Variants in HMCN1 observed in about 807,000 individuals in gnomAD.
HMCN1 encodes the protein hemicentin-1.
Under a neutral mutation model 625.9 loss-of-function variants are expected in HMCN1, and 321 were observed. The ratio of observed to expected loss-of-function variants is 0.51; its 90% CI spans 0.47 to 0.56. The LOEUF is 0.56. Among genes scored for constraint, HMCN1 ranks in the 20% least tolerant of loss-of-function variants. The pLI is 0.00. For synonymous variants in HMCN1, 2,425 were observed against 2,417.6 expected (o/e 1.00, Z -0.09); for missense variants, 6,588 against 6,887.3 (o/e 0.96, Z 1.54).
At chr1:185,735,557 AAG>A (rs1386679264) in intron 1 of HMCN1, among the ~76,000 whole-genome samples, 5 of 152,232 alleles carry the variant, frequency 3.3e-5, no homozygotes, top group Non-Finnish European at 7.3e-5. Flanking sequence ...ATGAAAAGAA[AAG>A]AGAGAAACCA....
chr1:186,159,117 T>C (rs1651248819), intron 97 of HMCN1, among the ~76,000 whole-genome samples: 1 of 151,576 alleles, frequency 6.6e-6, no homozygotes, highest in Non-Finnish European at 1.5e-5. Flanking sequence ...TGAGCAGTGG[T>C]TTGTAGTTCT....
At position 186,120,064 on chromosome 1, in the gene HMCN1, C is replaced by T. The variant is rs767655388; in HGVS notation, c.12148C>T (p.Arg4050Ter). The change falls in exon 80 of 107, where the codon CGA (arginine) becomes TGA (stop). Residue 4050 changes from arginine to a stop codon, truncating the protein, a stop_gained. Transcript: ENST00000271588. LOFTEE classifies it high-confidence loss of function. ...SGGLQISRAV[R>*]EDAGTYMCVA... ...CGGCTTACAGATCTCCAGAGCTGTC[C>T]GAGAGGATGCTGGCACTTACATGTG... The T allele has an allele frequency of 1.6e-5, 26 of 1,613,824 alleles. No homozygotes were observed. The highest frequency in any genetic ancestry group is 2.1e-5 in the Non-Finnish European group (25 of 1,179,952).
intron 30 of HMCN1, among the ~76,000 whole-genome samples, chr1:186,014,395 A>G (rs1046869915): frequency 6.6e-6 from 1 of 151,902 alleles, no homozygotes; most frequent in Non-Finnish European, 1.5e-5. Context: ...ACATATGTAT[A>G]CATGTGCCAT....
intron 1 of HMCN1, among the ~76,000 whole-genome samples, chr1:185,767,456 T>C (rs1655948366): frequency 6.6e-6 from 1 of 152,186 alleles, no homozygotes; most frequent in African/African-American, 2.4e-5. Flanking sequence ...TTGGAAGCAA[T>C]GCAAAGATAA....
intron 97 of HMCN1, among the ~76,000 whole-genome samples, chr1:186,158,342 T>C (rs984957324): frequency 1.3e-5 from 2 of 151,576 alleles, no homozygotes; most frequent in African/African-American, 2.4e-5. Context: ...TATTAGCCCA[T>C]TGTCAGATAA....
At chr1:186,129,944 T>C (rs372105105) in intron 83 of HMCN1, 22 bp from the exon 84 acceptor site, 1 of 1,612,160 alleles carries the variant, frequency 6.2e-7, no homozygotes, top group African/African-American at 1.3e-5. Flanking sequence ...GAGGCACTTG[T>C]GTTGTTTCTT....
rs576064276 is a variant in HMCN1, at chr1:186,046,330, G to C, written c.6480+467G>C. Among the ~76,000 whole-genome samples the C allele has an allele frequency of 6.6e-4, 100 of 152,168 alleles. 1 individual carries two copies. The highest frequency in any genetic ancestry group is 2.2e-3 in the African/African-American group (91 of 41,552). On this transcript the variant is annotated intron_variant, in intron 41 of 106. Transcript: ENST00000271588. Reference sequence around the variant, plus strand: ...CTAAAAACACAAAAATTAGCCTGACGTGGTGACATGCACCGGTAATCCCAG... The same window carrying C: ...CTAAAAACACAAAAATTAGCCTGACCTGGTGACATGCACCGGTAATCCCAG...
intron 100 of HMCN1, among the ~76,000 whole-genome samples, chr1:186,167,874 T>C (rs1651976598): frequency 2.0e-5 from 3 of 152,282 alleles, no homozygotes; most frequent in South Asian, 4.1e-4. Flanking sequence ...ACAGTTTATC[T>C]ACCTAGTGAA....
At chr1:185,904,213 A>G (rs1395282587) in intron 4 of HMCN1, among the ~76,000 whole-genome samples, 1 of 151,776 alleles carries the variant, frequency 6.6e-6, no homozygotes, top group Non-Finnish European at 1.5e-5. Flanking sequence ...CATAGGCTCT[A>G]TGCTATACTG....
At chr1:186,077,395 A>C (rs1658889438) in intron 54 of HMCN1, among the ~76,000 whole-genome samples, 1 of 152,076 alleles carries the variant, frequency 6.6e-6, no homozygotes, top group South Asian at 2.1e-4. Context: ...TTTGATTTTA[A>C]ATTTTCTGTT....
intron 5 of HMCN1, among the ~76,000 whole-genome samples, 163 bp downstream of exon 5, chr1:185,909,671 G>A (rs1160162731): frequency 6.6e-6 from 1 of 152,124 alleles, no homozygotes; most frequent in Non-Finnish European, 1.5e-5. Context: ...TTTTGAAAGT[G>A]CTAACTATTG....
intron 1 of HMCN1, among the ~76,000 whole-genome samples, chr1:185,834,742 G>A (rs373280082): frequency 3.9e-5 from 6 of 152,242 alleles, no homozygotes; most frequent in South Asian, 2.1e-4. Flanking sequence ...ATTGCAGGCC[G>A]TTTTAGAGGA....
intron 1 of HMCN1, among the ~76,000 whole-genome samples, chr1:185,757,301 C>T (rs1247619917): frequency 1.3e-5 from 2 of 152,174 alleles, no homozygotes; most frequent in East Asian, 3.9e-4. Flanking sequence ...AAATTTCTTC[C>T]TATGGCTTCT....
chr1:185,911,878 A>G (rs771737828), intron 6 of HMCN1, 98 bp downstream of exon 6: 18 of 896,572 alleles, frequency 2.0e-5, no homozygotes, highest in East Asian at 9.9e-5. Flanking sequence ...CACTCTTGCT[A>G]TCATGGAGAG....
chr1:185,835,550 A>C (rs1437297202), intron 1 of HMCN1, among the ~76,000 whole-genome samples: 1 of 152,074 alleles, frequency 6.6e-6, no homozygotes, highest in Non-Finnish European at 1.5e-5. Context: ...CTGGAACAAA[A>C]TAATTAACTT....
At chr1:186,187,792 C>T (rs1653438488) in intron 105 of HMCN1, 91 bp from the exon 106 acceptor site, 3 of 1,544,714 alleles carry the variant, frequency 1.9e-6, no homozygotes, top group Non-Finnish European at 2.7e-6. Flanking sequence ...GGCTAGCCCT[C>T]CACATTCTAG....
chr1:185,846,282 G>A (rs1243089269), intron 2 of HMCN1, among the ~76,000 whole-genome samples, 186 bp downstream of exon 2: 1 of 152,196 alleles, frequency 6.6e-6, no homozygotes, highest in Non-Finnish European at 1.5e-5. Flanking sequence ...AAATAGGACA[G>A]ATGGGGTTTG....
intron 102 of HMCN1, among the ~76,000 whole-genome samples, chr1:186,173,472 C>T (rs1652358666): frequency 6.6e-6 from 1 of 151,558 alleles, no homozygotes; most frequent in Non-Finnish European, 1.5e-5. Flanking sequence ...GGAACCTCAT[C>T]TCTACTAAAA....
intron 97 of HMCN1, among the ~76,000 whole-genome samples, chr1:186,155,632 T>C (rs1650952909): frequency 6.6e-6 from 1 of 152,190 alleles, no homozygotes; most frequent in South Asian, 2.1e-4. Flanking sequence ...CTTTGTACCG[T>C]CTTTAAGTGT....
Sources: allele counts gnomAD v4.1 joint callset (sites outside exome capture counted in the v4.1 genomes callset), GRCh38; gene constraint gnomAD v4.1.1; transcripts MANE v1.5; gene names NCBI Gene and HGNC (gene_info 2026-07-23, HGNC 2026-07-21).